The following CELF2 variants were observed in gnomAD, a reference collection of about 807,000 sequenced individuals.
CELF2 encodes the protein CUG triplet repeat RNA-binding protein 2.
In CELF2, 8 loss-of-function variants were observed where a neutral mutation model predicts 62.6. The observed-to-expected ratio is 0.13, with a 90% CI of 0.07 to 0.23. The LOEUF (loss-of-function observed/expected upper bound fraction) is 0.23. Among genes scored for constraint, CELF2 ranks in the 10% least tolerant of loss-of-function variants. The pLI is 1.00. For missense variants in CELF2, 333 were observed against 671.0 expected (o/e 0.50, Z 5.56); for synonymous variants, 258 against 250.0 (o/e 1.03, Z -0.30).
At chr10:10,599,191 G>C in the CELF2 span, among the ~76,000 whole-genome samples, 14 of 152,150 alleles carry the variant, frequency 9.2e-5, no homozygotes, top group Non-Finnish European at 2.1e-4. Context: ...GAATACTATA[G>C]AGAAGTCATT....
At chr10:10,497,214 G>C in the CELF2 span, among the ~76,000 whole-genome samples, 2 of 143,180 alleles carry the variant, frequency 1.4e-5, no homozygotes, top group East Asian at 4.1e-4. Flanking sequence ...AAGATAAAAA[G>C]AAAAAAAAAA....
chr10:11,218,710 G>T (rs567917501), intron 3 of CELF2, among the ~76,000 whole-genome samples: 6 of 152,354 alleles, frequency 3.9e-5, no homozygotes, highest in African/African-American at 1.2e-4. Context: ...CAATGGTCCT[G>T]CCCAGTTTCA....
At position 11,333,380 on chromosome 10, in the gene CELF2, T is replaced by A. The variant is rs1314526825; in HGVS notation, c.*4327T>A. On this transcript the variant is annotated 3_prime_UTR_variant, in exon 13 of 13. Coordinates refer to ENST00000633077, the MANE Select transcript of CELF2 (RefSeq NM_001326342.2). Reference sequence around the variant, plus strand: ...AGGGAAACCGCTTTTTTTAATCAATTGTAGAGAATAGTCATTTTTAATCTA... The same window carrying A: ...AGGGAAACCGCTTTTTTTAATCAATAGTAGAGAATAGTCATTTTTAATCTA... 1 of 152,602 alleles carries A rather than the reference T, an allele frequency of 6.6e-6. No individual in the cohort carries two copies. The highest frequency in any genetic ancestry group is 6.5e-5 in the Admixed American group (1 of 15,276). 9.5% of individuals were successfully genotyped at this position (152,602 alleles called of 1,614,324 possible). A position where few individuals can be genotyped will look rare whatever the true frequency, so the allele number is the denominator to read the frequency against.
chr10:10,872,671 C>CAA (rs539073613), intron 1 of CELF2, among the ~76,000 whole-genome samples: 9 of 150,726 alleles, frequency 6.0e-5, no homozygotes, highest in African/African-American at 2.0e-4. Context: ...ACAACAACAA[C>CAA]AACAAAAAAC....
chr10:10,846,603 G>A (rs12358881), intron 1 of CELF2, among the ~76,000 whole-genome samples: 1 of 152,204 alleles, frequency 6.6e-6, no homozygotes, highest in Non-Finnish European at 1.5e-5. Context: ...AGAGAAAGCA[G>A]TAATTGCCTT....
At chr10:11,272,841 C>T (rs1028755452) in intron 7 of CELF2, among the ~76,000 whole-genome samples, 6 of 152,162 alleles carry the variant, frequency 3.9e-5, no homozygotes, top group African/African-American at 9.7e-5. Context: ...TAATGACACT[C>T]CAGGTATTTC....
At chr10:10,716,490 G>A in the CELF2 span, among the ~76,000 whole-genome samples, 1 of 152,182 alleles carries the variant, frequency 6.6e-6, no homozygotes, top group African/African-American at 2.4e-5. Context: ...TCAGTGAGCT[G>A]AGATCACACC....
At chr10:10,528,889 G>A in the CELF2 span, among the ~76,000 whole-genome samples, 1 of 152,112 alleles carries the variant, frequency 6.6e-6, no homozygotes, top group Non-Finnish European at 1.5e-5. Context: ...TATTTACCAG[G>A]AGTAGCTATC....
At chr10:11,282,402 C>T (rs1303299679) in intron 8 of CELF2, among the ~76,000 whole-genome samples, 1 of 152,204 alleles carries the variant, frequency 6.6e-6, no homozygotes, top group Non-Finnish European at 1.5e-5. Context: ...TTCACCTCTT[C>T]ATGCCCGTTT....
At chr10:10,629,349 T>C in the CELF2 span, among the ~76,000 whole-genome samples, 12 of 152,148 alleles carry the variant, frequency 7.9e-5, no homozygotes, top group African/African-American at 2.9e-4. Flanking sequence ...CAAGTTAAGA[T>C]TTTTTTCCCA....
At position 11,237,433 on chromosome 10, in the gene CELF2, C is replaced by A. The variant is rs1206203398; in HGVS notation, c.355-11720C>A. 3.9e-5 allele frequency among the ~76,000 whole-genome samples: 6 copies of A among 152,046 alleles called. No homozygotes were observed. Among genetic ancestry groups the A allele is most frequent in the Admixed American group, 3.9e-4 (6 of 15,248 alleles). Reference sequence around the variant, plus strand: ...GAGGCAGGAGTGTGGCTGGAAGAGTCTGAGTAGTAGGTCATCCTGGGAAGC... The same window carrying A: ...GAGGCAGGAGTGTGGCTGGAAGAGTATGAGTAGTAGGTCATCCTGGGAAGC... On this transcript the variant is annotated intron_variant, in intron 3 of 12. Coordinates refer to ENST00000633077, the MANE Select transcript of CELF2 (RefSeq NM_001326342.2). The surrounding 1 kb of genome is among the most constrained non-coding windows in gnomAD (Gnocchi z 4.0).
intron 9 of CELF2, among the ~76,000 whole-genome samples, chr10:11,289,184 T>G (rs2092060973): frequency 6.6e-6 from 1 of 152,194 alleles, no homozygotes; most frequent in African/African-American, 2.4e-5. Flanking sequence ...TTGTTTTGTT[T>G]TTTTTTAATT....
rs913274181 is a variant in CELF2 at position 11,192,769 on chromosome 10, A to G, written c.272-24656A>G. ...GTTTTAACCCCTGGCGTGCGTTAGAATCACCTAGAGGAATTGAAACAGAGA... is the reference window on the plus strand; with the variant it reads ...GTTTTAACCCCTGGCGTGCGTTAGAGTCACCTAGAGGAATTGAAACAGAGA... On this transcript the variant is annotated intron_variant, in intron 2 of 12. Transcript: ENST00000633077. Among the ~76,000 whole-genome samples the G allele has an allele frequency of 2.0e-5, 3 of 152,276 alleles. 1 individual carries two copies. Among genetic ancestry groups the G allele is most frequent in the East Asian group, 3.9e-4 (2 of 5,180 alleles).
In CELF2 at chr10:11,297,458, C is replaced by T. The variant is rs572900455; in HGVS notation, c.976+8906C>T. ...GTCTGTGCTTGTGGAACAGAGGGAC[C>T]AGGGGATGGAAAGGGAGCTTTCTGG... On this transcript the variant is annotated intron_variant, in intron 9 of 12. Coordinates refer to ENST00000633077, the MANE Select transcript of CELF2 (RefSeq NM_001326342.2). The surrounding 1 kb of genome is among the most constrained non-coding windows in gnomAD (Gnocchi z 4.4). Among the ~76,000 whole-genome samples, 34 of 152,054 alleles carry T rather than the reference C, an allele frequency of 2.2e-4. No individual in the cohort carries two copies. The Middle Eastern group carries it at 0.01, about 46-fold the overall frequency.
chr10:10,831,709 T>G (rs2057871275), intron 1 of CELF2, among the ~76,000 whole-genome samples: 1 of 152,184 alleles, frequency 6.6e-6, no homozygotes, highest in African/African-American at 2.4e-5. Context: ...AGGTGGCTCA[T>G]GCCTATAAAC....
intron 3 of CELF2, among the ~76,000 whole-genome samples, chr10:11,233,412 G>A (rs17149889): frequency 0.015 from 2,351 of 152,160 alleles, 63 homozygotes; most frequent in African/African-American, 0.054. Flanking sequence ...TTCTTCTCAC[G>A]CCGCGTGATT....
At chr10:10,476,867 T>A in the CELF2 span, among the ~76,000 whole-genome samples, 1 of 152,168 alleles carries the variant, frequency 6.6e-6, no homozygotes, top group Non-Finnish European at 1.5e-5. Flanking sequence ...ATGTTTAGCT[T>A]CAAGGAACTT....
At chr10:11,209,391 GTTC>G (rs1432030852) in intron 2 of CELF2, among the ~76,000 whole-genome samples, 4 of 151,880 alleles carry the variant, frequency 2.6e-5, no homozygotes, top group African/African-American at 7.3e-5. Flanking sequence ...AGCAGTGCCA[GTTC>G]TTCTTGGTGG....
rs150992771 is a variant in CELF2 at position 11,058,751 on chromosome 10, A to T, written c.74+40588A>T. Among the ~76,000 whole-genome samples, 71 of 150,776 alleles carry T rather than the reference A, an allele frequency of 4.7e-4. 2 individuals carry two copies. In the Middle Eastern group the frequency reaches 0.024, roughly 52 times the overall value. ...CCAAAGTGCTGGGATTACAGACATG[A>T]CCCACCGCGCCCGGGCTTTTTTGTT... On this transcript the variant is annotated intron_variant, in intron 1 of 12. Transcript: ENST00000633077.
Sources: gnomAD v4.1 joint callset for allele counts (sites outside exome capture counted in the v4.1 genomes callset) on GRCh38, gnomAD v4.1.1 for gene constraint, Gnocchi (gnomAD v3.1) non-coding constraint, MANE v1.5 for transcripts, NCBI Gene and HGNC (gene_info 2026-07-23, HGNC 2026-07-21) for gene names.